SLC51A: variants seen among roughly 807,000 people sequenced by gnomAD.
The protein encoded by SLC51A is solute carrier family 51 member A.
SLC51A carries 22 observed loss-of-function variants against 34.8 expected under a neutral mutation model. That is an observed-to-expected ratio of 0.63 (90% CI 0.45 to 0.90). The LOEUF is 0.90. SLC51A is among the 40% of genes least tolerant of loss of function. The pLI is 0.00. For missense variants in SLC51A, 371 were observed against 414.8 expected, an observed-to-expected ratio of 0.89 and a Z score of 0.92; for synonymous variants, 181 against 176.3, an observed-to-expected ratio of 1.03 and a Z score of -0.21.
chr3:196,232,114 C>T (rs1300763558), intron 7 of SLC51A, among the ~76,000 whole-genome samples: 3 of 152,186 alleles, frequency 2.0e-5, no homozygotes, highest in Admixed American at 6.5e-5. Flanking sequence ...ATCTCTTTAT[C>T]CATTGAGTGC....
At chr3:196,232,998 C>A (rs142759481) in intron 8 of SLC51A, 65 bp from the exon 9 acceptor site, 4 of 1,530,088 alleles carry the variant, frequency 2.6e-6, no homozygotes, top group East Asian at 2.3e-5. Flanking sequence ...CGTGCCCGGG[C>A]TGCTAGTAAA....
chr3:196,228,765 AG>A lies in SLC51A; in HGVS notation c.522-39del, dbSNP rs752496990. The A allele has an allele frequency of 5.2e-6, 8 of 1,552,906 alleles. No homozygotes were observed. The highest frequency in any genetic ancestry group is 7.1e-6 in the Non-Finnish European group (8 of 1,124,754). ...AGGAGCCGGGGCGTCTTCCTGGGGC[AG>A]GGGGTTTGTGGGCCCATGTTCCTAA... On this transcript the variant is annotated intron_variant, in intron 5 of 8. Transcript: ENST00000296327. The surrounding 1 kb of genome is among the most constrained non-coding windows in gnomAD (Gnocchi z 4.9).
intron 3 of SLC51A, chr3:196,227,402 C>T: frequency 1.7e-6 from 1 of 590,926 alleles, no homozygotes; most frequent in Non-Finnish European, 3.0e-6. Context: ...TGAAGAGCTT[C>T]CTTCAGTGGT....
chr3:196,225,971 G>C (rs376080775), intron 2 of SLC51A, among the ~76,000 whole-genome samples: 9 of 152,180 alleles, frequency 5.9e-5, no homozygotes, highest in African/African-American at 2.2e-4. Context: ...CATGAGGCCA[G>C]CGTGCGTCAG....
intron 1 of SLC51A, 83 bp from the exon 2 acceptor site, chr3:196,217,759 C>T (rs1332616364): frequency 1.8e-6 from 2 of 1,102,828 alleles, no homozygotes; most frequent in African/African-American, 1.5e-5. Flanking sequence ...GTCCTGCACT[C>T]AGGAGTGGTT....
intron 3 of SLC51A, 85 bp downstream of exon 3, chr3:196,227,204 C>CTTCCGTCAA (rs2108755838): frequency 6.8e-7 from 1 of 1,460,142 alleles, no homozygotes; most frequent in Non-Finnish European, 9.3e-7. Context: ...CAGCACGTCA[C>CTTCCGTCAA]TTCGGCAAAG....
intron 6 of SLC51A, 117 bp from the exon 7 acceptor site, chr3:196,229,798 A>T: frequency 8.1e-7 from 1 of 1,228,510 alleles, no homozygotes; most frequent in Non-Finnish European, 1.1e-6. Context: ...TGCTGCAGTG[A>T]GCTATCATTG....
rs143550091 is a variant in SLC51A, at chr3:196,217,844, A to G, written c.41A>G (p.Tyr14Cys). 29 of 1,613,322 alleles carry G rather than the reference A, an allele frequency of 1.8e-5. No individual in the cohort carries two copies. The highest frequency in any genetic ancestry group is 1.6e-4 in the Middle Eastern group (1 of 6,082). Residue 14 changes from tyrosine to cysteine, a missense_variant and splice_region_variant, in exon 2 of 9, where the codon TAC becomes TGC. Coordinates refer to ENST00000296327, the MANE Select transcript of SLC51A (RefSeq NM_152672.6). The part of the protein sequence containing the change: ...GRTQIKLDPR[Y>C]TADLLEVLKT... ...AGCACAGGCTGGTGTCTCGCCAGGT[A>G]CACAGCAGATCTTCTGGAGGTGCTG...
In SLC51A at chr3:196,228,927, C is replaced by A; in HGVS notation, c.633+7C>A. Reference sequence around the variant, plus strand: ...CATCTATGACCCAGCAGACGTAAGCCGGGAGTAAGGGACAGCACAGTCCAA... The same window carrying A: ...CATCTATGACCCAGCAGACGTAAGCAGGGAGTAAGGGACAGCACAGTCCAA... On this transcript the variant is annotated splice_region_variant and intron_variant, in intron 6 of 8. Transcript: ENST00000296327. The surrounding 1 kb of genome is among the most constrained non-coding windows in gnomAD (Gnocchi z 4.9). 1 of 1,604,520 alleles carries A rather than the reference C, an allele frequency of 6.2e-7. No individual in the cohort carries two copies. Among genetic ancestry groups the A allele is most frequent in the Non-Finnish European group, 8.5e-7 (1 of 1,171,234 alleles).
intron 8 of SLC51A, 56 bp downstream of exon 8, chr3:196,232,580 G>A: frequency 7.1e-7 from 1 of 1,411,474 alleles, no homozygotes; most frequent in Non-Finnish European, 1.0e-6. Context: ...GGGAGAGTCA[G>A]GAAAGAAGGG....
chr3:196,219,517 G>A (rs1261053189), intron 2 of SLC51A, among the ~76,000 whole-genome samples: 1 of 152,188 alleles, frequency 6.6e-6, no homozygotes, highest in African/African-American at 2.4e-5. Context: ...GGCTGTGTAG[G>A]GCTTCATTTC....
At chr3:196,223,453 G>A (rs1292334233) in intron 2 of SLC51A, among the ~76,000 whole-genome samples, 3 of 151,670 alleles carry the variant, frequency 2.0e-5, no homozygotes, top group Non-Finnish European at 3.0e-5. Flanking sequence ...AACGTTACCC[G>A]GAATGGAGAT....
At chr3:196,217,019 C>T (rs950198738) in intron 1 of SLC51A, among the ~76,000 whole-genome samples, 4 of 152,266 alleles carry the variant, frequency 2.6e-5, no homozygotes, top group Non-Finnish European at 5.9e-5. Flanking sequence ...GAAATGGCAG[C>T]ATCCCTCAGC....
chr3:196,227,822 AC>A, intron 4 of SLC51A, 85 bp downstream of exon 4: 1 of 1,306,030 alleles, frequency 7.7e-7, no homozygotes, highest in Non-Finnish European at 1.1e-6. Flanking sequence ...ATCCCAGCTG[AC>A]CATGTATCTG....
At chr3:196,222,692 A>G (rs969221141) in intron 2 of SLC51A, among the ~76,000 whole-genome samples, 1 of 151,772 alleles carries the variant, frequency 6.6e-6, no homozygotes, top group Non-Finnish European at 1.5e-5. Flanking sequence ...CCTTTTGGAA[A>G]TTTACAATGT....
chr3:196,231,806 C>G (rs750388911), intron 7 of SLC51A, among the ~76,000 whole-genome samples: 12 of 152,176 alleles, frequency 7.9e-5, no homozygotes, highest in Non-Finnish European at 1.6e-4. Context: ...GGCTTCTGGA[C>G]AGTGATCTTC....
intron 2 of SLC51A, among the ~76,000 whole-genome samples, 188 bp from the exon 3 acceptor site, chr3:196,226,773 TAAAA>T (rs780868037): frequency 4.6e-5 from 5 of 107,572 alleles, no homozygotes; most frequent in East Asian, 5.7e-4. Flanking sequence ...GGCTCCGTCT[TAAAA>T]AAAAAAAAAA....
At chr3:196,225,759 A>G (rs1723877226) in intron 2 of SLC51A, 1 of 152,176 alleles carries the variant, frequency 6.6e-6, no homozygotes, top group Non-Finnish European at 1.5e-5. Flanking sequence ...GTCTACCAGT[A>G]TTTGTCAAAG....
At chr3:196,227,523 T>C (rs1723927465) in intron 3 of SLC51A, 141 bp from the exon 4 acceptor site, 2 of 716,406 alleles carry the variant, frequency 2.8e-6, no homozygotes, top group East Asian at 5.3e-5. Context: ...TTGACTTAAT[T>C]AGTGCTTTTT....
Sources: gnomAD v4.1 joint callset for allele counts (sites outside exome capture counted in the v4.1 genomes callset) on GRCh38, gnomAD v4.1.1 for gene constraint, Gnocchi (gnomAD v3.1) non-coding constraint, MANE v1.5 for transcripts, NCBI Gene and HGNC (gene_info 2026-07-23, HGNC 2026-07-21) for gene names.